The following GALNT1 variants were observed in gnomAD, a reference collection of about 807,000 sequenced individuals.
The protein encoded by GALNT1 is GalNAc transferase 1.
A neutral mutation model predicts 65.7 loss-of-function variants in GALNT1; 17 were observed. That is an observed-to-expected ratio of 0.26 (90% CI 0.18 to 0.39). GALNT1 has a LOEUF of 0.39. Among genes scored for constraint, GALNT1 ranks in the 10% least tolerant of loss-of-function variants. The pLI, the probability that GALNT1 is intolerant of heterozygous loss-of-function variation, is 1.00. For synonymous variants in GALNT1, 210 were observed against 219.7 expected (o/e 0.96, Z 0.39); for missense variants, 460 against 672.8 (o/e 0.68, Z 3.50).
At chr18:35,649,939 G>C (rs147055781) in intron 1 of GALNT1, among the ~76,000 whole-genome samples, 109 of 152,268 alleles carry the variant, frequency 7.2e-4, no homozygotes, top group African/African-American at 2.5e-3. Flanking sequence ...AATGTTGTCT[G>C]TTGTGACAGA....
chr18:35,691,234 G>C (rs377493691), intron 8 of GALNT1, 42 bp downstream of exon 8: 1 of 1,517,332 alleles, frequency 6.6e-7, no homozygotes. Context: ...CTGTACCTTT[G>C]TTGACCCTGA....
intron 1 of GALNT1, among the ~76,000 whole-genome samples, chr18:35,590,805 G>GGCA (rs1281796864): frequency 2.0e-5 from 3 of 152,206 alleles, no homozygotes; most frequent in African/African-American, 7.2e-5. Flanking sequence ...AAGGTAGGAA[G>GGCA]GCAGCACTGT....
chr18:35,605,628 C>T (rs1055317720), intron 1 of GALNT1, among the ~76,000 whole-genome samples: 10 of 152,090 alleles, frequency 6.6e-5, no homozygotes, highest in Admixed American at 4.6e-4. Context: ...CTTCCTCCCT[C>T]CCTGTTTCTT....
intron 1 of GALNT1, among the ~76,000 whole-genome samples, chr18:35,639,569 A>T (rs1480940780): frequency 6.6e-6 from 1 of 152,158 alleles, no homozygotes; most frequent in Admixed American, 6.5e-5. Flanking sequence ...CTGTAGCGAA[A>T]CTTCATTTTT....
intron 1 of GALNT1, among the ~76,000 whole-genome samples, chr18:35,646,174 A>C (rs2047228379): frequency 6.6e-6 from 1 of 152,188 alleles, no homozygotes; most frequent in African/African-American, 2.4e-5. Flanking sequence ...GGAGAGAGAA[A>C]GAGGTGGGGG....
At chr18:35,588,724 T>C (rs912095470) in intron 1 of GALNT1, among the ~76,000 whole-genome samples, 4 of 152,182 alleles carry the variant, frequency 2.6e-5, no homozygotes, top group African/African-American at 9.7e-5. Flanking sequence ...TATTTTGGTA[T>C]TTTTCAGCTC....
intron 1 of GALNT1, among the ~76,000 whole-genome samples, chr18:35,583,157 A>G (rs2046342754): frequency 6.6e-6 from 1 of 152,180 alleles, no homozygotes; most frequent in Admixed American, 6.5e-5. Context: ...TCCTTTGAGG[A>G]TGTTTCCATG....
chr18:35,587,021 A>C (rs777158313), intron 1 of GALNT1, among the ~76,000 whole-genome samples: 1 of 152,114 alleles, frequency 6.6e-6, no homozygotes, highest in Non-Finnish European at 1.5e-5. Context: ...AGCATTGTGT[A>C]GTTTTATCAT....
chr18:35,664,081 A>T (rs763040015), intron 3 of GALNT1: 25 of 364,236 alleles, frequency 6.9e-5, no homozygotes, highest in Non-Finnish European at 1.1e-4. Context: ...TCACATACTC[A>T]ACTTTTTACA....
At chr18:35,706,401 C>T (rs1174608748) in intron 11 of GALNT1, among the ~76,000 whole-genome samples, 1 of 152,064 alleles carries the variant, frequency 6.6e-6, no homozygotes, top group Non-Finnish European at 1.5e-5. Context: ...ACTCAGGAGG[C>T]TGAGGCAGGA....
intron 1 of GALNT1, among the ~76,000 whole-genome samples, chr18:35,626,952 C>G (rs7240886): frequency 0.1 from 15,499 of 152,280 alleles, 1,014 homozygotes; most frequent in African/African-American, 0.19. Context: ...TTGGTCACTT[C>G]TATTAGCTAG....
intron 3 of GALNT1, among the ~76,000 whole-genome samples, chr18:35,677,089 C>A (rs909306270): frequency 2.0e-4 from 30 of 152,266 alleles, no homozygotes; most frequent in African/African-American, 5.5e-4. Flanking sequence ...CCCTGTTTCT[C>A]ATCTGTGAAA....
intron 1 of GALNT1, among the ~76,000 whole-genome samples, chr18:35,629,081 C>A (rs1042275303): frequency 6.6e-6 from 1 of 152,184 alleles, no homozygotes; most frequent in African/African-American, 2.4e-5. Context: ...AAGACCAAAT[C>A]TACATCTGAT....
At chr18:35,627,459 T>A (rs546598401) in intron 1 of GALNT1, 1 of 152,324 alleles carries the variant, frequency 6.6e-6, no homozygotes, top group Non-Finnish European at 1.5e-5. Context: ...ATTTGGGATA[T>A]GAATTCATTT....
At chr18:35,696,104 C>T (rs2048052030) in intron 9 of GALNT1, among the ~76,000 whole-genome samples, 1 of 152,174 alleles carries the variant, frequency 6.6e-6, no homozygotes, top group Admixed American at 6.5e-5. Flanking sequence ...CTTGTTATCG[C>T]CTTATTAACT....
At chr18:35,638,597 G>A (rs889932810) in intron 1 of GALNT1, among the ~76,000 whole-genome samples, 2 of 152,154 alleles carry the variant, frequency 1.3e-5, no homozygotes, top group Non-Finnish European at 2.9e-5. Context: ...CAGGCACAGG[G>A]TGAGAGAATC....
chr18:35,709,680 G>C lies in GALNT1; in HGVS notation c.1590G>C (p.Glu530Asp). 1 of 1,614,130 alleles carries C rather than the reference G, an allele frequency of 6.2e-7. No homozygotes were observed. Among genetic ancestry groups the C allele is most frequent in the Non-Finnish European group, 8.5e-7 (1 of 1,180,004 alleles). ...SNQCLDKATE[E>D]DSQVPSIRDC... ...AGTGCCTGGATAAAGCCACAGAAGA[G>C]GATAGCCAGGTGCCCAGCATTAGAG... The change falls in exon 12 of 12, where the codon GAG becomes GAC. Residue 530 changes from glutamate to aspartate, a missense_variant. Coordinates refer to ENST00000269195, the MANE Select transcript of GALNT1 (RefSeq NM_020474.4).
chr18:35,655,078 G>A (rs1352324430), intron 2 of GALNT1, among the ~76,000 whole-genome samples: 1 of 152,064 alleles, frequency 6.6e-6, no homozygotes, highest in Admixed American at 6.6e-5. Flanking sequence ...AATAATGTGG[G>A]TATCTCATAG....
At chr18:35,690,580 A>G (rs988191594) in intron 7 of GALNT1, among the ~76,000 whole-genome samples, 4 of 152,186 alleles carry the variant, frequency 2.6e-5, no homozygotes, top group African/African-American at 9.6e-5. Context: ...ATACTGCTCT[A>G]GATCCCATAT....
Sources: allele counts gnomAD v4.1 joint callset (sites outside exome capture counted in the v4.1 genomes callset), GRCh38; gene constraint gnomAD v4.1.1; transcripts MANE v1.5; gene names NCBI Gene and HGNC (gene_info 2026-07-23, HGNC 2026-07-21).